Variants in PEX3 observed in about 807,000 individuals in gnomAD.
PEX3 encodes the protein peroxin-3.
In PEX3, 30 loss-of-function variants were observed where a neutral mutation model predicts 55.8. The ratio of observed to expected loss-of-function variants is 0.54; its 90% CI spans 0.40 to 0.73. The LOEUF (loss-of-function observed/expected upper bound fraction) is 0.73, where lower values mean the gene tolerates loss of function less well. Ranked by LOEUF, PEX3 falls within the 30% of genes least tolerant of loss-of-function variation. PEX3 has a pLI of 0.00. For synonymous variants in PEX3, 135 were observed against 148.4 expected (o/e 0.91, Z 0.66); for missense variants, 351 against 432.8 (o/e 0.81, Z 1.68).
Position 143,464,565 on chromosome 6 carries a change from A to G in PEX3, c.287+1568A>G, listed in dbSNP as rs1450534935. 6.6e-6 allele frequency among the ~76,000 whole-genome samples: 1 copy of G among 151,894 alleles called. No individual in the cohort carries two copies. The highest frequency in any genetic ancestry group is 2.4e-5 in the African/African-American group (1 of 41,410). On this transcript the variant is annotated intron_variant, in intron 3 of 11. Coordinates refer to ENST00000367591, the MANE Select transcript of PEX3 (RefSeq NM_003630.3). This position sits in a 1 kb window ranked among gnomAD's most constrained non-coding sequence, Gnocchi z 5.8. The stretch of plus-strand genomic sequence containing the variant: ...GAAAAGATGTGATTCTTTTTTTCTT[A>G]ATCGGTACACAGGGAGGAGAATTTC...
At chr6:143,478,679 A>T (rs1241027361) in intron 9 of PEX3, among the ~76,000 whole-genome samples, 1 of 152,096 alleles carries the variant, frequency 6.6e-6, no homozygotes, top group Non-Finnish European at 1.5e-5. Flanking sequence ...AAGCTTCTTC[A>T]TCCCTCAAGT....
At chr6:143,457,044 A>G (rs1779856839) in intron 1 of PEX3, among the ~76,000 whole-genome samples, 1 of 152,244 alleles carries the variant, frequency 6.6e-6, no homozygotes, top group Non-Finnish European at 1.5e-5. Context: ...CCCCAGAGAA[A>G]CACACCAATC....
In PEX3 at chr6:143,487,396, C is replaced by T. The variant is rs1040877272; in HGVS notation, c.1039-1747C>T. ...TTGGTTTATGTGTTGTTTATGGCTG[C>T]TTTTGCACTACAATGGTAGTATTTC... On this transcript the variant is annotated intron_variant, in intron 11 of 11. Transcript: ENST00000367591. This position sits in a 1 kb window ranked among gnomAD's most constrained non-coding sequence, Gnocchi z 5.3. Among the ~76,000 whole-genome samples, 1 of 152,114 alleles carries T rather than the reference C, an allele frequency of 6.6e-6. No individual in the cohort carries two copies. Among genetic ancestry groups the T allele is most frequent in the African/African-American group, 2.4e-5 (1 of 41,432 alleles).
intron 4 of PEX3, among the ~76,000 whole-genome samples, chr6:143,470,139 A>G (rs1562654201): frequency 6.6e-6 from 1 of 152,110 alleles, no homozygotes; most frequent in Non-Finnish European, 1.5e-5. Flanking sequence ...TGGTAGAGAC[A>G]GGGTTTTACC....
At chr6:143,457,286 T>C (rs1485121030) in intron 1 of PEX3, among the ~76,000 whole-genome samples, 1 of 152,190 alleles carries the variant, frequency 6.6e-6, no homozygotes, top group Non-Finnish European at 1.5e-5. Context: ...AGCACTATCA[T>C]CAGTTTCTTT....
rs1780307237 is a variant in PEX3 at position 143,485,536 on chromosome 6, GC to G, written c.1038+289del. On this transcript the variant is annotated intron_variant, in intron 11 of 11. Coordinates refer to ENST00000367591, the MANE Select transcript of PEX3 (RefSeq NM_003630.3). This position sits in a 1 kb window ranked among gnomAD's most constrained non-coding sequence, Gnocchi z 5.6. ...TTGAATTTATATAGCATGAATGTTT[GC>G]ATTAAGCTGTGCTAGTAAGAAGATT... Among the ~76,000 whole-genome samples the G allele has an allele frequency of 2.6e-5, 4 of 152,052 alleles. No individual in the cohort carries two copies. Among genetic ancestry groups the G allele is most frequent in the Admixed American group, 2.6e-4 (4 of 15,244 alleles).
At position 143,489,495 on chromosome 6, in the gene PEX3, C is replaced by T. The variant is rs1780360846; in HGVS notation, c.*269C>T. The T allele has an allele frequency of 4.4e-6, 1 of 225,870 alleles. No homozygotes were observed. Among genetic ancestry groups the T allele is most frequent in the Non-Finnish European group, 8.7e-6 (1 of 114,852 alleles). The allele number at this position is 225,870 out of a possible 1,614,324, so 14.0% of individuals were successfully genotyped here. A position where few individuals can be genotyped will look rare whatever the true frequency, so the allele number is the denominator to read the frequency against. On this transcript the variant is annotated 3_prime_UTR_variant, in exon 12 of 12. Transcript: ENST00000367591. The surrounding 1 kb of genome is among the most constrained non-coding windows in gnomAD (Gnocchi z 5.5). The stretch of plus-strand genomic sequence containing the variant: ...ATTTGTTACACATGGACATTTGTTC[C>T]AAACTGACTAAAAATCAATATAGAT...
At chr6:143,456,604 T>C (rs1352551611) in intron 1 of PEX3, among the ~76,000 whole-genome samples, 2 of 152,196 alleles carry the variant, frequency 1.3e-5, no homozygotes, top group African/African-American at 2.4e-5. Flanking sequence ...CCATGGCTCA[T>C]AGATAGGCAT....
rs1358315174 is a variant in PEX3, at chr6:143,453,727, C to T, written c.73+2612C>T. ...AAGTAGCTAGGACCACAGGTGTGCA[C>T]CATCATGCTTGGCTAATTTTTAATT... On this transcript the variant is annotated intron_variant, in intron 1 of 11. Coordinates refer to ENST00000367591, the MANE Select transcript of PEX3 (RefSeq NM_003630.3). This position sits in a 1 kb window ranked among gnomAD's most constrained non-coding sequence, Gnocchi z 4.6. Among the ~76,000 whole-genome samples, 2 of 152,172 alleles carry T rather than the reference C, an allele frequency of 1.3e-5. No individual in the cohort carries two copies. The highest frequency in any genetic ancestry group is 2.9e-5 in the Non-Finnish European group (2 of 68,038).
rs957460732 is a variant in PEX3, at chr6:143,462,054, T to G, written c.206-862T>G. Among the ~76,000 whole-genome samples, 18 of 152,378 alleles carry G rather than the reference T, an allele frequency of 1.2e-4. No homozygotes were observed. The highest frequency in any genetic ancestry group is 3.8e-4 in the African/African-American group (16 of 41,594). ...ATTTTTATATGTGTATTCCTCCATTTCTTTTTTTCTCTAATCCCATGACAG... is the reference window on the plus strand; with the variant it reads ...ATTTTTATATGTGTATTCCTCCATTGCTTTTTTTCTCTAATCCCATGACAG... On this transcript the variant is annotated intron_variant, in intron 2 of 11. Transcript: ENST00000367591. This position sits in a 1 kb window ranked among gnomAD's most constrained non-coding sequence, Gnocchi z 4.1.
At chr6:143,469,343 T>C (rs1479280116) in intron 4 of PEX3, among the ~76,000 whole-genome samples, 1 of 152,192 alleles carries the variant, frequency 6.6e-6, no homozygotes, top group African/African-American at 2.4e-5. Flanking sequence ...ACCTGTTGTT[T>C]CCTGACTTTT....
In PEX3 at chr6:143,483,919, G is replaced by C. The variant is rs1294189537; in HGVS notation, c.942-1233G>C. On this transcript the variant is annotated intron_variant, in intron 10 of 11. Coordinates refer to ENST00000367591, the MANE Select transcript of PEX3 (RefSeq NM_003630.3). This position sits in a 1 kb window ranked among gnomAD's most constrained non-coding sequence, Gnocchi z 4.3. ...CAATCAAGTAATCAAAATCATGATA[G>C]ATTTTGAAAAATGCCACAAAGGTAC... is the stretch of plus-strand genomic sequence containing the variant. Among the ~76,000 whole-genome samples the C allele has an allele frequency of 6.6e-6, 1 of 151,004 alleles. No individual in the cohort carries two copies. Among genetic ancestry groups the C allele is most frequent in the East Asian group, 1.9e-4 (1 of 5,174 alleles).
rs778681122 is a variant in PEX3, at chr6:143,462,995, C to T, written c.285C>T (p.Asn95=). 6 of 1,608,688 alleles carry T rather than the reference C, an allele frequency of 3.7e-6. No homozygotes were observed. The highest frequency in any genetic ancestry group is 4.5e-5 in the East Asian group (2 of 44,832). ...AGAGCCTCACAGCTCTGCTAAAAAACAGGTAAATGCAAGTTACAGCATTTT... is the reference window on the plus strand; with the variant it reads ...AGAGCCTCACAGCTCTGCTAAAAAATAGGTAAATGCAAGTTACAGCATTTT... The part of the protein sequence containing the change: ...NSESLTALLK[N]RPSNKLEIWE... Residue 95 remains asparagine, a splice_region_variant and synonymous_variant, in exon 3 of 12, where the codon AAC becomes AAT. Coordinates refer to ENST00000367591, the MANE Select transcript of PEX3 (RefSeq NM_003630.3). The surrounding 1 kb of genome is among the most constrained non-coding windows in gnomAD (Gnocchi z 4.1).
At position 143,464,710 on chromosome 6, in the gene PEX3, TG is replaced by T. The variant is rs984018686; in HGVS notation, c.287+1719del. On this transcript the variant is annotated intron_variant, in intron 3 of 11. Coordinates refer to ENST00000367591, the MANE Select transcript of PEX3 (RefSeq NM_003630.3). This position sits in a 1 kb window ranked among gnomAD's most constrained non-coding sequence, Gnocchi z 5.8. ...TTTGAAATTACTATTTGTAATTTGG[TG>T]GGGGGAGAAGGGTAATATCCATTTG... 1.3e-5 allele frequency among the ~76,000 whole-genome samples: 2 copies of T among 151,740 alleles called. No homozygotes were observed. Among genetic ancestry groups the T allele is most frequent in the African/African-American group, 4.8e-5 (2 of 41,378 alleles).
Position 143,462,813 on chromosome 6 carries a change from G to C in PEX3, c.206-103G>C. On this transcript the variant is annotated intron_variant, in intron 2 of 11. Transcript: ENST00000367591. The surrounding 1 kb of genome is among the most constrained non-coding windows in gnomAD (Gnocchi z 4.1). The stretch of plus-strand genomic sequence containing the variant: ...GCCCTGACTTTCCCTTCTGACTCTT[G>C]CTAGTTGCTAGCCCTATCATATAGC... 1.2e-6 allele frequency: 1 copy of C among 814,098 alleles called. No homozygotes were observed. The highest frequency in any genetic ancestry group is 2.2e-6 in the Non-Finnish European group (1 of 459,374). The allele number at this position is 814,098 out of a possible 1,614,324, so 50.4% of individuals were successfully genotyped here. A position where few individuals can be genotyped will look rare whatever the true frequency, so the allele number is the denominator to read the frequency against.
Position 143,483,005 on chromosome 6 carries a change from A to G in PEX3, c.942-2147A>G, listed in dbSNP as rs1780262225. 6.6e-6 allele frequency among the ~76,000 whole-genome samples: 1 copy of G among 152,172 alleles called. No individual in the cohort carries two copies. The highest frequency in any genetic ancestry group is 2.1e-4 in the South Asian group (1 of 4,834). On this transcript the variant is annotated intron_variant, in intron 10 of 11. Coordinates refer to ENST00000367591, the MANE Select transcript of PEX3 (RefSeq NM_003630.3). This position sits in a 1 kb window ranked among gnomAD's most constrained non-coding sequence, Gnocchi z 4.3. ...TTCATCAATATTAAATGCAAATAATATACAGGAGGAAATGTTTGCTCTCTT... is the reference window on the plus strand; with the variant it reads ...TTCATCAATATTAAATGCAAATAATGTACAGGAGGAAATGTTTGCTCTCTT...
chr6:143,470,726 T>G (rs894168116), intron 4 of PEX3, among the ~76,000 whole-genome samples: 13 of 152,216 alleles, frequency 8.5e-5, no homozygotes, highest in African/African-American at 2.4e-4. Flanking sequence ...AGTATATACC[T>G]CTTTCACCTA....
chr6:143,460,001 C>A (rs1290332088), intron 2 of PEX3, among the ~76,000 whole-genome samples: 1 of 152,240 alleles, frequency 6.6e-6, no homozygotes, highest in Admixed American at 6.5e-5. Flanking sequence ...TGTGTCCTAA[C>A]TGGCATAACT....
chr6:143,479,873 C>G lies in PEX3; in HGVS notation c.941+675C>G, dbSNP rs573727407. ...ATTTCTATTTTGCAGTTTTTTATGTCAAACTCGGAAAATAATGGGTACTAA... is the reference window on the plus strand; with the variant it reads ...ATTTCTATTTTGCAGTTTTTTATGTGAAACTCGGAAAATAATGGGTACTAA... On this transcript the variant is annotated intron_variant, in intron 10 of 11. Coordinates refer to ENST00000367591, the MANE Select transcript of PEX3 (RefSeq NM_003630.3). The surrounding 1 kb of genome is among the most constrained non-coding windows in gnomAD (Gnocchi z 4.6). Among the ~76,000 whole-genome samples, 2 of 152,076 alleles carry G rather than the reference C, an allele frequency of 1.3e-5. No homozygotes were observed. Among genetic ancestry groups the G allele is most frequent in the South Asian group, 4.1e-4 (2 of 4,822 alleles).
Sources: gnomAD v4.1 joint callset for allele counts (sites outside exome capture counted in the v4.1 genomes callset) on GRCh38, gnomAD v4.1.1 for gene constraint, Gnocchi (gnomAD v3.1) non-coding constraint, MANE v1.5 for transcripts, NCBI Gene and HGNC (gene_info 2026-07-23, HGNC 2026-07-21) for gene names.